STAG1: variants seen among roughly 807,000 people sequenced by gnomAD.
STAG1 encodes the protein STAG1 cohesin complex component.
In STAG1, 26 loss-of-function variants were observed where a neutral mutation model predicts 170.9. That is an observed-to-expected ratio of 0.15 (90% confidence interval 0.11 to 0.21). STAG1 has a LOEUF of 0.21. Ranked by LOEUF, STAG1 falls within the 10% of genes least tolerant of loss-of-function variation. The probability of loss-of-function intolerance (pLI) is 1.00; values close to 1 mark genes in which losing one functional copy is unlikely to be tolerated. For synonymous variants in STAG1, 514 were observed against 497.7 expected (o/e 1.03, Z -0.44); for missense variants, 964 against 1,509.5 (o/e 0.64, Z 5.99).
intron 10 of STAG1, among the ~76,000 whole-genome samples, chr3:136,476,148 C>T (rs1281456934): frequency 1.3e-5 from 2 of 152,148 alleles, no homozygotes; most frequent in Non-Finnish European, 2.9e-5. Flanking sequence ...CTCCTTACTC[C>T]ATCCTTTGCT....
intron 14 of STAG1, among the ~76,000 whole-genome samples, chr3:136,450,606 C>A (rs1559808435): frequency 6.6e-6 from 1 of 152,222 alleles, no homozygotes; most frequent in Non-Finnish European, 1.5e-5. Context: ...CCCTCTTACT[C>A]TCAAACTTGA....
intron 1 of STAG1, among the ~76,000 whole-genome samples, chr3:136,727,161 T>C (rs190599833): frequency 6.8e-6 from 1 of 146,946 alleles, no homozygotes; most frequent in Admixed American, 6.6e-5. Context: ...CTGTCTCTCA[T>C]GTAAGAATAA....
chr3:136,423,141 C>A (rs1409667082), intron 16 of STAG1, 97 bp from the exon 17 acceptor site: 5 of 739,854 alleles, frequency 6.8e-6, no homozygotes, highest in Non-Finnish European at 2.1e-6. Flanking sequence ...AATATAACCA[C>A]AAATTTTAAG....
chr3:136,509,696 A>G (rs557553662), intron 7 of STAG1, among the ~76,000 whole-genome samples: 21 of 152,368 alleles, frequency 1.4e-4, no homozygotes, highest in Middle Eastern at 3.4e-3. Context: ...ACACAGAAGA[A>G]AACACTGGAA....
chr3:136,437,415 G>A (rs569487222), intron 15 of STAG1, among the ~76,000 whole-genome samples: 26 of 152,302 alleles, frequency 1.7e-4, no homozygotes, highest in African/African-American at 6.3e-4. Context: ...CCACAGGCAA[G>A]AGCCAAACAG....
At chr3:136,645,717 C>G (rs1940982317) in intron 1 of STAG1, among the ~76,000 whole-genome samples, 1 of 152,188 alleles carries the variant, frequency 6.6e-6, no homozygotes, top group South Asian at 2.1e-4. Flanking sequence ...GAGAAATAGT[C>G]TCCTACACTC....
chr3:136,357,374 T>C (rs928203768), intron 28 of STAG1, among the ~76,000 whole-genome samples: 11 of 152,168 alleles, frequency 7.2e-5, no homozygotes, highest in African/African-American at 2.7e-4. Context: ...AATCAATCTT[T>C]TGAAACAAGT....
At chr3:136,445,643 T>G (rs2088756496) in intron 14 of STAG1, among the ~76,000 whole-genome samples, 1 of 152,190 alleles carries the variant, frequency 6.6e-6, no homozygotes, top group Non-Finnish European at 1.5e-5. Context: ...CTGAATATGC[T>G]TTTGTGCTTG....
intron 13 of STAG1, among the ~76,000 whole-genome samples, chr3:136,460,690 C>CAA (rs1366709754): frequency 2.0e-5 from 3 of 146,868 alleles, no homozygotes; most frequent in Admixed American, 2.0e-4. Context: ...TCTCCCCCCC[C>CAA]AAAAAAAAAA....
chr3:136,618,807 G>A (rs1460759474), intron 3 of STAG1, among the ~76,000 whole-genome samples: 5 of 151,854 alleles, frequency 3.3e-5, no homozygotes, highest in Non-Finnish European at 7.4e-5. Context: ...TTTCATAACT[G>A]TACTGTGGTT....
At chr3:136,663,334 A>T (rs574085775) in intron 1 of STAG1, among the ~76,000 whole-genome samples, 3 of 152,212 alleles carry the variant, frequency 2.0e-5, no homozygotes, top group Non-Finnish European at 4.4e-5. Context: ...TATGAAGTAG[A>T]TATTACTATT....
intron 9 of STAG1, among the ~76,000 whole-genome samples, chr3:136,485,271 C>T (rs1376192223): frequency 6.6e-6 from 1 of 152,086 alleles, no homozygotes; most frequent in African/African-American, 2.4e-5. Flanking sequence ...TCCTGGCAAA[C>T]ATGGTGAAAC....
At chr3:136,341,371 CAA>C in intron 31 of STAG1, 68 bp downstream of exon 31, 1 of 1,039,408 alleles carries the variant, frequency 9.6e-7, no homozygotes, top group Non-Finnish European at 1.5e-6. Flanking sequence ...CAAAGAAACC[CAA>C]GTCATTTCAC....
chr3:136,649,398 G>A (rs556427403), intron 1 of STAG1, among the ~76,000 whole-genome samples: 3 of 150,886 alleles, frequency 2.0e-5, no homozygotes, highest in Admixed American at 1.3e-4. Context: ...AGAATTGCTT[G>A]AACCCGGGAG....
intron 9 of STAG1, among the ~76,000 whole-genome samples, chr3:136,478,961 G>C (rs979604399): frequency 1.3e-5 from 2 of 151,282 alleles, no homozygotes; most frequent in African/African-American, 4.9e-5. Flanking sequence ...CTAGCTCACA[G>C]TTACTATGAG....
Position 136,604,369 on chromosome 3 carries a change from A to C in STAG1, c.237T>G (p.Asn79Lys), listed in dbSNP as rs1470745348. Reference protein sequence around the residue: ...RGRANGHPQQNGEGEPVTLFE... With the variant: ...RGRANGHPQQKGEGEPVTLFE... ...ATAATGTGACAGGCTCCCCTTCCCC[A>C]TTCTGTTGAGGGTGTCCATTAGCTC... Residue 79 changes from asparagine to lysine, a missense_variant, in exon 4 of 34, where the codon AAT becomes AAG. Transcript: ENST00000383202. 1 of 1,613,656 alleles carries C rather than the reference A, an allele frequency of 6.2e-7. No homozygotes were observed. Among genetic ancestry groups the C allele is most frequent in the Non-Finnish European group, 8.5e-7 (1 of 1,179,834 alleles).
intron 1 of STAG1, among the ~76,000 whole-genome samples, chr3:136,747,941 T>C (rs1935031017): frequency 6.6e-6 from 1 of 151,424 alleles, no homozygotes; most frequent in Admixed American, 6.6e-5. Flanking sequence ...CACACCCAGC[T>C]GATTTTTTCT....
rs148403825 is a variant in STAG1 at position 136,380,044 on chromosome 3, A to C, written c.2278-2292T>G. Among the ~76,000 whole-genome samples the C allele has an allele frequency of 5.3e-5, 8 of 152,334 alleles. No individual in the cohort carries two copies. In the East Asian group the frequency reaches 1.5e-3, roughly 29 times the overall value. On this transcript the variant is annotated intron_variant, in intron 22 of 33. Transcript: ENST00000383202. ...GATATGTACCACATACTGTGTTCCC[A>C]GAACTATAAATTTACATTTCACCAT...
intron 13 of STAG1, among the ~76,000 whole-genome samples, chr3:136,453,866 G>A (rs2107779864): frequency 6.6e-6 from 1 of 152,066 alleles, no homozygotes; most frequent in South Asian, 2.1e-4. Flanking sequence ...ATAATTTCAT[G>A]TGATATTAAA....
Sources: gnomAD v4.1 joint callset for allele counts (sites outside exome capture counted in the v4.1 genomes callset) on GRCh38, gnomAD v4.1.1 for gene constraint, MANE v1.5 for transcripts, NCBI Gene and HGNC (gene_info 2026-07-23, HGNC 2026-07-21) for gene names.